CD109: variants seen among roughly 807,000 people sequenced by gnomAD.
The protein encoded by CD109 is CD109 molecule, also known as CD109 antigen.
Under a neutral mutation model 165.8 loss-of-function variants are expected in CD109, and 149 were observed. The ratio of observed to expected loss-of-function variants is 0.90; its 90% CI spans 0.79 to 1.03. The LOEUF is 1.03. Among genes scored for constraint, CD109 ranks in the 50% least tolerant of loss-of-function variants. The pLI, the probability that CD109 is intolerant of heterozygous loss-of-function variation, is 0.00. For synonymous variants in CD109, 585 were observed against 592.1 expected (o/e 0.99, Z 0.18); for missense variants, 1,712 against 1,677.8 (o/e 1.02, Z -0.36).
At chr6:73,800,573 A>G (rs1476741720) in intron 23 of CD109, among the ~76,000 whole-genome samples, 5 of 152,208 alleles carry the variant, frequency 3.3e-5, no homozygotes, top group Admixed American at 3.3e-4. Context: ...CATACAGCTC[A>G]CCCAACAGAA....
At chr6:73,732,298 C>T (rs941546169) in intron 4 of CD109, among the ~76,000 whole-genome samples, 1 of 152,004 alleles carries the variant, frequency 6.6e-6, no homozygotes, top group Non-Finnish European at 1.5e-5. Context: ...ACAACAAAAC[C>T]CAATCAAATA....
chr6:73,687,023 C>A, the CD109 span, among the ~76,000 whole-genome samples: 105 of 152,328 alleles, frequency 6.9e-4, no homozygotes, highest in African/African-American at 2.4e-3. Context: ...TAAATAAATT[C>A]ATGTTGGTTA....
intron 1 of CD109, 34 bp downstream of exon 1, chr6:73,696,323 G>C: frequency 7.1e-7 from 1 of 1,415,424 alleles, no homozygotes; most frequent in Non-Finnish European, 9.2e-7. Flanking sequence ...GCGCGCGGGC[G>C]CGCGGGCCTG....
chr6:73,717,869 T>G (rs1771803479), intron 2 of CD109, among the ~76,000 whole-genome samples: 1 of 151,908 alleles, frequency 6.6e-6, no homozygotes, highest in African/African-American at 2.4e-5. Flanking sequence ...TCCGCCCACC[T>G]CGGCCTCCCA....
chr6:73,702,619 A>G (rs1771124620), intron 2 of CD109, among the ~76,000 whole-genome samples: 1 of 152,244 alleles, frequency 6.6e-6, no homozygotes, highest in South Asian at 2.1e-4. Context: ...GGACCACAGC[A>G]TAATCACGAT....
intron 2 of CD109, among the ~76,000 whole-genome samples, chr6:73,710,682 C>T (rs1011192918): frequency 2.6e-5 from 4 of 152,166 alleles, no homozygotes; most frequent in Non-Finnish European, 5.9e-5. Flanking sequence ...GAGTCCAAGT[C>T]TCCCTGCTGA....
chr6:73,823,385 C>T (rs1776167714), intron 32 of CD109, 73 bp from the exon 33 acceptor site: 2 of 1,120,340 alleles, frequency 1.8e-6, no homozygotes, highest in Non-Finnish European at 2.6e-6. Flanking sequence ...TATCGAAATG[C>T]TCTTATATTT....
At chr6:73,793,228 A>G (rs1562072612) in intron 23 of CD109, among the ~76,000 whole-genome samples, 2 of 152,194 alleles carry the variant, frequency 1.3e-5, no homozygotes, top group African/African-American at 4.8e-5. Context: ...AATGGAGAAG[A>G]TGGTTTGTAT....
chr6:73,772,986 G>A (rs1384062078), intron 15 of CD109, among the ~76,000 whole-genome samples: 1 of 149,576 alleles, frequency 6.7e-6, no homozygotes, highest in Admixed American at 6.6e-5. Flanking sequence ...TATGTCTGTA[G>A]ATCTTGCATT....
intron 29 of CD109, among the ~76,000 whole-genome samples, chr6:73,812,737 A>T (rs1163000279): frequency 6.6e-6 from 1 of 152,134 alleles, no homozygotes; most frequent in African/African-American, 2.4e-5. Context: ...AAATATAAAG[A>T]AATCTACATT....
intron 28 of CD109, 47 bp downstream of exon 28, chr6:73,811,194 T>C (rs761824329): frequency 1.2e-4 from 185 of 1,564,976 alleles, no homozygotes; most frequent in Non-Finnish European, 1.5e-4. Context: ...GACAATTCTT[T>C]ATGCTGGAAT....
intron 4 of CD109, among the ~76,000 whole-genome samples, chr6:73,735,666 A>G (rs1368481101): frequency 2.0e-5 from 3 of 152,152 alleles, no homozygotes; most frequent in African/African-American, 4.8e-5. Flanking sequence ...CATCTCTCTA[A>G]TATGCTTTTG....
At chr6:73,725,500 A>G (rs1166772306) in intron 3 of CD109, among the ~76,000 whole-genome samples, 1 of 93,012 alleles carries the variant, frequency 1.1e-5, no homozygotes, top group Non-Finnish European at 2.0e-5. Context: ...TGTCTACTAC[A>G]CTTCTTTTTT....
At chr6:73,765,198 C>T (rs2150227808) in intron 10 of CD109, among the ~76,000 whole-genome samples, 1 of 151,892 alleles carries the variant, frequency 6.6e-6, no homozygotes, top group African/African-American at 2.4e-5. Flanking sequence ...GGGGTGCACT[C>T]AGGTAGTGTT....
chr6:73,787,812 C>G (rs916642928), intron 21 of CD109, among the ~76,000 whole-genome samples: 1 of 151,982 alleles, frequency 6.6e-6, no homozygotes, highest in Non-Finnish European at 1.5e-5. Flanking sequence ...AGATTTTTTT[C>G]AGAGAAGACA....
chr6:73,802,305 A>ATATATTT lies in CD109; in HGVS notation c.2879-914_2879-913insATATTTT, dbSNP rs1554183463. Among the ~76,000 whole-genome samples, 66 of 47,614 alleles carry ATATATTT rather than the reference A, an allele frequency of 1.4e-3. 4 individuals are homozygous for ATATATTT. Among genetic ancestry groups the ATATATTT allele is most frequent in the Non-Finnish European group, 2.1e-3 (51 of 24,106 alleles). 31.2% of individuals were successfully genotyped at this position (47,614 alleles called of 152,430 possible). A position where few individuals can be genotyped will look rare whatever the true frequency, so the allele number is the denominator to read the frequency against. Reference sequence around the variant, plus strand: ...TGTGTGTGTGTATATATATATATATATTTTTTTTTTTTTTTTTTTTTTTAG... The same window carrying ATATATTT: ...TGTGTGTGTGTATATATATATATATATATATTTTTTTTTTTTTTTTTTTTTTTTTTAG... On this transcript the variant is annotated intron_variant, in intron 23 of 32. Transcript: ENST00000287097.
rs897160061 is a variant in CD109 at position 73,781,126 on chromosome 6, A to G, written c.1903-133A>G. Reference sequence around the variant, plus strand: ...GTTTGAGTGAGAGACAGAAAGGTTGAATGTATGTGCATGTGTATACCTAAG... The same window carrying G: ...GTTTGAGTGAGAGACAGAAAGGTTGGATGTATGTGCATGTGTATACCTAAG... On this transcript the variant is annotated intron_variant, in intron 16 of 32. Transcript: ENST00000287097. The G allele has an allele frequency of 1.1e-5, 7 of 635,414 alleles. No individual in the cohort carries two copies. The African/African-American group carries it at 1.3e-4, about 12-fold the overall frequency. 39.4% of individuals were successfully genotyped at this position (635,414 alleles called of 1,614,324 possible).
At chr6:73,775,182 T>C (rs1219823776) in intron 15 of CD109, among the ~76,000 whole-genome samples, 2 of 151,942 alleles carry the variant, frequency 1.3e-5, no homozygotes, top group East Asian at 3.9e-4. Flanking sequence ...TTTGAGGTTA[T>C]GTGTATATAT....
At chr6:73,743,071 C>G (rs2150196851) in intron 5 of CD109, among the ~76,000 whole-genome samples, 1 of 152,294 alleles carries the variant, frequency 6.6e-6, no homozygotes, top group Non-Finnish European at 1.5e-5. Context: ...TTGAATTCCT[C>G]AGCAGTGCTA....
Sources: allele counts gnomAD v4.1 joint callset (sites outside exome capture counted in the v4.1 genomes callset), GRCh38; gene constraint gnomAD v4.1.1; transcripts MANE v1.5; gene names NCBI Gene and HGNC (gene_info 2026-07-23, HGNC 2026-07-21).